The following PCSK5 variants were observed in gnomAD, a reference collection of about 807,000 sequenced individuals.
PCSK5 encodes prohormone convertase 5.
A neutral mutation model predicts 233.2 loss-of-function variants in PCSK5; 129 were observed. That is an observed-to-expected ratio of 0.55 (90% CI 0.48 to 0.64). PCSK5 has a LOEUF of 0.64. Ranked by LOEUF, PCSK5 falls within the 30% of genes least tolerant of loss-of-function variation. PCSK5 has a pLI of 0.00. For synonymous variants in PCSK5, 825 were observed against 879.2 expected (o/e 0.94, Z 1.09); for missense variants, 2,076 against 2,430.1 (o/e 0.85, Z 3.06).
At chr9:76,315,864 T>C (rs1476490543) in intron 30 of PCSK5, among the ~76,000 whole-genome samples, 3 of 149,044 alleles carry the variant, frequency 2.0e-5, no homozygotes, top group African/African-American at 7.4e-5. Flanking sequence ...ATTCCTGACC[T>C]CAGGTGATCC....
chr9:76,158,835 A>T, intron 11 of PCSK5, 148 bp from the exon 12 acceptor site: 2 of 652,100 alleles, frequency 3.1e-6, no homozygotes, highest in Non-Finnish European at 5.4e-6. Context: ...CCTTTCAGTG[A>T]CCCAGTTATT....
intron 24 of PCSK5, among the ~76,000 whole-genome samples, chr9:76,256,198 C>T (rs565516867): frequency 3.9e-5 from 6 of 152,302 alleles, no homozygotes; most frequent in South Asian, 4.1e-4. Flanking sequence ...AACATAGTGG[C>T]GAGGTATCTT....
At chr9:75,964,560 C>T (rs1458058983) in intron 2 of PCSK5, among the ~76,000 whole-genome samples, 3 of 152,216 alleles carry the variant, frequency 2.0e-5, no homozygotes, top group African/African-American at 7.2e-5. Flanking sequence ...ACCCCACCTG[C>T]CTTCCGTAAG....
At chr9:76,274,766 A>G (rs760714613) in intron 24 of PCSK5, among the ~76,000 whole-genome samples, 1 of 152,178 alleles carries the variant, frequency 6.6e-6, no homozygotes, top group Non-Finnish European at 1.5e-5. Context: ...GTCCATTTGT[A>G]TTGCTATAAA....
At chr9:76,178,723 A>G (rs376768748) in intron 14 of PCSK5, among the ~76,000 whole-genome samples, 4 of 152,346 alleles carry the variant, frequency 2.6e-5, no homozygotes, top group African/African-American at 9.6e-5. Flanking sequence ...AGTTAAAATC[A>G]TATGAATTTT....
chr9:75,985,155 G>A lies in PCSK5; in HGVS notation c.298-977G>A, dbSNP rs1019120072. ...AGGCACAAATTGAAGAATGCCACCA[G>A]GGCTGATTCTGCATTTGAGACATCC... On this transcript the variant is annotated intron_variant, in intron 2 of 37. Transcript: ENST00000674117. Among the ~76,000 whole-genome samples, 5 of 152,158 alleles carry A rather than the reference G, an allele frequency of 3.3e-5. No individual in the cohort carries two copies. The South Asian group carries it at 1.0e-3, about 31-fold the overall frequency.
chr9:76,001,881 T>C (rs1008017202), intron 3 of PCSK5, among the ~76,000 whole-genome samples: 4 of 152,194 alleles, frequency 2.6e-5, no homozygotes, highest in Admixed American at 2.6e-4. Flanking sequence ...TGAAAGGGAA[T>C]GTGCAGTGAA....
At position 75,891,081 on chromosome 9, in the gene PCSK5, G is replaced by A; in HGVS notation, c.-101G>A. 8.7e-7 allele frequency: 1 copy of A among 1,145,054 alleles called. No homozygotes were observed. Among genetic ancestry groups the A allele is most frequent in the South Asian group, 2.3e-5 (1 of 43,748 alleles). The allele number at this position is 1,145,054 out of a possible 1,614,324, so 70.9% of individuals were successfully genotyped here. On this transcript the variant is annotated 5_prime_UTR_variant, in exon 1 of 38. Coordinates refer to ENST00000674117, the MANE Select transcript of PCSK5 (RefSeq NM_001372043.1). ...CCGGGGCTGCGAGCTGCGGCGGCCC[G>A]GGGCTGCTCGCCGGGCGGCGCAGGC...
intron 30 of PCSK5, 109 bp from the exon 31 acceptor site, chr9:76,321,313 G>A (rs910320267): frequency 1.4e-5 from 9 of 650,674 alleles, no homozygotes; most frequent in African/African-American, 1.3e-4. Context: ...CCTCTCAGCT[G>A]ACGACAGCAG....
chr9:76,107,577 A>G (rs570598019), intron 9 of PCSK5, among the ~76,000 whole-genome samples: 1 of 152,276 alleles, frequency 6.6e-6, no homozygotes, highest in South Asian at 2.1e-4. Flanking sequence ...CTGTGTAATT[A>G]CTTTATTATG....
At chr9:76,319,663 AAC>A (rs1829136685) in intron 30 of PCSK5, among the ~76,000 whole-genome samples, 1 of 152,040 alleles carries the variant, frequency 6.6e-6, no homozygotes, top group East Asian at 1.9e-4. Context: ...GGAGTCAGGG[AAC>A]ACTCTGCTCC....
chr9:76,260,249 T>C (rs1827125384), intron 24 of PCSK5, among the ~76,000 whole-genome samples: 1 of 152,098 alleles, frequency 6.6e-6, no homozygotes, highest in Non-Finnish European at 1.5e-5. Context: ...AGATAATCCA[T>C]CTGTAGTAGG....
intron 1 of PCSK5, among the ~76,000 whole-genome samples, chr9:75,929,886 A>G (rs1471850378): frequency 6.7e-5 from 10 of 148,262 alleles, no homozygotes. Flanking sequence ...TTTTTAAGAC[A>G]GAGTCTCACT....
intron 2 of PCSK5, among the ~76,000 whole-genome samples, chr9:75,943,328 GATAAA>G (rs1563927870): frequency 6.6e-6 from 1 of 152,094 alleles, no homozygotes; most frequent in Non-Finnish European, 1.5e-5. Flanking sequence ...GACAAATTAA[GATAAA>G]ATAAGCAAAT....
chr9:75,990,975 C>A (rs1826743689), intron 3 of PCSK5, among the ~76,000 whole-genome samples: 1 of 152,176 alleles, frequency 6.6e-6, no homozygotes, highest in Non-Finnish European at 1.5e-5. Flanking sequence ...AAAAGCAAAC[C>A]TGTGTCATTT....
chr9:76,319,640 T>C (rs937211571), intron 30 of PCSK5, among the ~76,000 whole-genome samples: 14 of 152,172 alleles, frequency 9.2e-5, no homozygotes, highest in Middle Eastern at 3.4e-3. Flanking sequence ...AAAGGGAGTC[T>C]CCTTTTCTTG....
intron 24 of PCSK5, among the ~76,000 whole-genome samples, chr9:76,277,757 T>C (rs1419265990): frequency 6.6e-6 from 1 of 152,216 alleles, no homozygotes; most frequent in Non-Finnish European, 1.5e-5. Context: ...AGAGGATCCA[T>C]TTTGTATTCG....
intron 5 of PCSK5, among the ~76,000 whole-genome samples, chr9:76,064,797 C>T (rs1830220708): frequency 6.6e-6 from 1 of 151,326 alleles, no homozygotes; most frequent in African/African-American, 2.4e-5. Context: ...AGGCGCTCCC[C>T]ACATCTCAGA....
intron 13 of PCSK5, among the ~76,000 whole-genome samples, chr9:76,173,715 G>A (rs964534808): frequency 1.3e-5 from 2 of 151,832 alleles, no homozygotes; most frequent in Non-Finnish European, 2.9e-5. Context: ...GCTCACGTCT[G>A]TAATCCCAGC....
Sources: allele counts gnomAD v4.1 joint callset (sites outside exome capture counted in the v4.1 genomes callset), GRCh38; gene constraint gnomAD v4.1.1; transcripts MANE v1.5; gene names NCBI Gene and HGNC (gene_info 2026-07-23, HGNC 2026-07-21).